Variants in WIPF3 observed in about 807,000 individuals in gnomAD.
WIPF3 encodes WAS/WASL-interacting protein family member 3.
In WIPF3, 33 loss-of-function variants were observed where a neutral mutation model predicts 38.9. The observed-to-expected ratio is 0.85, with a 90% CI of 0.64 to 1.14. The LOEUF is 1.14. Among genes scored for constraint, WIPF3 ranks in the 50% most tolerant of loss-of-function variants. The pLI is 0.00. For missense variants in WIPF3, 711 were observed against 652.5 expected (o/e 1.09, Z -0.98); for synonymous variants, 324 against 269.3 (o/e 1.20, Z -1.99).
chr7:29,842,328 A>T (rs1337768772), intron 2 of WIPF3, among the ~76,000 whole-genome samples: 1 of 152,232 alleles, frequency 6.6e-6, no homozygotes, highest in Non-Finnish European at 1.5e-5. Context: ...CTGGCTTGAT[A>T]ATCACTTTTT....
intron 4 of WIPF3, among the ~76,000 whole-genome samples, chr7:29,882,946 G>A (rs1017454324): frequency 1.3e-5 from 2 of 152,128 alleles, no homozygotes; most frequent in African/African-American, 4.8e-5. Context: ...GCAGAACTTC[G>A]AGGCAGTAAA....
chr7:29,829,864 T>C (rs75193663), intron 1 of WIPF3, among the ~76,000 whole-genome samples: 3,963 of 152,330 alleles, frequency 0.026, 195 homozygotes, highest in African/African-American at 0.091. Flanking sequence ...ATTTCGATGC[T>C]GTTTTGCGAT....
At chr7:29,901,626 C>A (rs1028366051) in intron 7 of WIPF3, among the ~76,000 whole-genome samples, 5 of 151,202 alleles carry the variant, frequency 3.3e-5, no homozygotes, top group African/African-American at 1.2e-4. Flanking sequence ...CCCCATGTTT[C>A]TATTTTCATG....
At chr7:29,888,335 T>C in intron 6 of WIPF3, 118 bp downstream of exon 6, 2 of 1,325,886 alleles carry the variant, frequency 1.5e-6, no homozygotes, top group East Asian at 2.5e-5. Context: ...GCTTCTTTCA[T>C]GAACAGGGGC....
intron 1 of WIPF3, among the ~76,000 whole-genome samples, chr7:29,830,636 A>G (rs936416975): frequency 9.5e-5 from 14 of 147,116 alleles, no homozygotes; most frequent in Non-Finnish European, 1.7e-4. Flanking sequence ...AAAAAAAAAA[A>G]GAAAGAAAGA....
At chr7:29,852,688 G>A (rs968724579) in intron 2 of WIPF3, among the ~76,000 whole-genome samples, 9 of 152,182 alleles carry the variant, frequency 5.9e-5, no homozygotes, top group East Asian at 1.9e-4. Flanking sequence ...TGCATATTGC[G>A]AAACCACTTG....
chr7:29,871,633 T>G (rs1226570818), intron 2 of WIPF3, among the ~76,000 whole-genome samples: 1 of 152,202 alleles, frequency 6.6e-6, no homozygotes, highest in Non-Finnish European at 1.5e-5. Flanking sequence ...GTCAAAGTTT[T>G]GATCTGGGCT....
chr7:29,877,060 C>G lies in WIPF3; in HGVS notation c.223+1098C>G, dbSNP rs1234587376. Among the ~76,000 whole-genome samples the G allele has an allele frequency of 3.9e-5, 6 of 152,130 alleles. No individual in the cohort carries two copies. The East Asian group carries it at 5.8e-4, about 15-fold the overall frequency. On this transcript the variant is annotated intron_variant, in intron 3 of 8. Coordinates refer to ENST00000242140, the MANE Select transcript of WIPF3 (RefSeq NM_001080529.3). ...AACTTTTTGAATGTCGACATGATGC[C>G]TCATGTGAATGATGAAGATGACGTT...
chr7:29,902,194 G>C lies in WIPF3; in HGVS notation c.1352-2092G>C, dbSNP rs1159248947. 6.0e-5 allele frequency among the ~76,000 whole-genome samples: 9 copies of C among 149,888 alleles called. No individual in the cohort carries two copies. The Admixed American group carries it at 6.0e-4, about 10-fold the overall frequency. ...GTGGACAGGAGTTTCTTAAATCTAA[G>C]AACAGTCATTTCCAAGGCTACCCTC... On this transcript the variant is annotated intron_variant, in intron 7 of 8. Transcript: ENST00000242140.
At chr7:29,817,869 T>A (rs1279113655) in intron 1 of WIPF3, among the ~76,000 whole-genome samples, 1 of 152,214 alleles carries the variant, frequency 6.6e-6, no homozygotes, top group African/African-American at 2.4e-5. Flanking sequence ...CTTAAATTTA[T>A]ACATTAATAT....
chr7:29,845,739 G>A (rs1345558630), intron 2 of WIPF3, among the ~76,000 whole-genome samples: 1 of 152,226 alleles, frequency 6.6e-6, no homozygotes, highest in Non-Finnish European at 1.5e-5. Context: ...GGATCTTGGG[G>A]CCAATGGTCA....
chr7:29,822,852 C>T lies in WIPF3; in HGVS notation c.-57-11816C>T, dbSNP rs187374851. On this transcript the variant is annotated intron_variant, in intron 1 of 8. Transcript: ENST00000242140. ...ACAGATATTTTTACCGTCTTAAAAC[C>T]GGAAGACCTTCTTGAACTTTATTTT... 2.1e-3 allele frequency among the ~76,000 whole-genome samples: 322 copies of T among 152,214 alleles called. 1 individual carries two copies. The highest frequency in any genetic ancestry group is 3.6e-3 in the Non-Finnish European group (242 of 68,020).
At chr7:29,859,095 G>A (rs1459544652) in intron 2 of WIPF3, among the ~76,000 whole-genome samples, 1 of 152,154 alleles carries the variant, frequency 6.6e-6, no homozygotes, top group Non-Finnish European at 1.5e-5. Context: ...GGAGGGAGCT[G>A]TTTTTGGGGA....
At chr7:29,867,312 T>G (rs547347815) in intron 2 of WIPF3, among the ~76,000 whole-genome samples, 2 of 152,254 alleles carry the variant, frequency 1.3e-5, no homozygotes, top group Admixed American at 6.5e-5. Context: ...CGAGCCTGGA[T>G]GAATGGGGAG....
chr7:29,902,635 C>G (rs560995177), intron 7 of WIPF3, among the ~76,000 whole-genome samples: 1 of 151,370 alleles, frequency 6.6e-6, no homozygotes, highest in African/African-American at 2.4e-5. Context: ...CCCAGGAGTT[C>G]GAGATAAGCC....
intron 1 of WIPF3, among the ~76,000 whole-genome samples, chr7:29,830,106 A>AG (rs1455418561): frequency 1.3e-5 from 2 of 151,692 alleles, no homozygotes; most frequent in Non-Finnish European, 2.9e-5. Flanking sequence ...ATCTGGAAAA[A>AG]AAAAAGCCTT....
chr7:29,885,514 C>A (rs174969), intron 5 of WIPF3, among the ~76,000 whole-genome samples: 111,710 of 152,136 alleles, frequency 0.73, 41,301 homozygotes, highest in South Asian at 0.88. Context: ...AGCTAATAGA[C>A]GGAAATTCAA....
rs376589211 is a variant in WIPF3 at position 29,884,465 on chromosome 7, C to T, written c.971C>T (p.Pro324Leu). Residue 324 changes from proline to leucine, a missense_variant, in exon 5 of 9, where the codon CCC becomes CTC. By Grantham distance (98) the Pro-to-Leu change is moderately conservative (BLOSUM62 -3). Coordinates refer to ENST00000242140, the MANE Select transcript of WIPF3 (RefSeq NM_001080529.3). ...GTTAATAGCAGCAGTGAAACTCCAC[C>T]CCCGCTACCCCCTAAATCCCCCAGC... ...PGVNSSSETP[P>L]PLPPKSPSFQ... is the part of the protein sequence containing the mutation. 8.3e-6 allele frequency: 13 copies of T among 1,559,796 alleles called. No individual in the cohort carries two copies. The Middle Eastern group carries it at 1.8e-3, about 219-fold the overall frequency.
At chr7:29,828,556 C>CA (rs368278732) in intron 1 of WIPF3, among the ~76,000 whole-genome samples, 34 of 152,284 alleles carry the variant, frequency 2.2e-4, no homozygotes, top group African/African-American at 7.7e-4. Context: ...GAACTTCGCG[C>CA]AAAAATCTAG....
Sources: gnomAD v4.1 joint callset for allele counts (sites outside exome capture counted in the v4.1 genomes callset) on GRCh38, gnomAD v4.1.1 for gene constraint, MANE v1.5 for transcripts, NCBI Gene and HGNC (gene_info 2026-07-23, HGNC 2026-07-21) for gene names.